LYRM7: variants seen among roughly 807,000 people sequenced by gnomAD.
LYRM7 encodes the protein LYR motif containing 7.
LYRM7 carries 9 observed loss-of-function variants against 15.8 expected under a neutral mutation model. The observed-to-expected ratio is 0.57, with a 90% CI of 0.34 to 0.99. LYRM7 has a LOEUF of 0.99. LYRM7 is among the 50% of genes least tolerant of loss of function. LYRM7 has a pLI of 0.02. For missense variants in LYRM7, 115 were observed against 119.1 expected, an observed-to-expected ratio of 0.97 and a Z score of 0.16; for synonymous variants, 39 against 39.4, an observed-to-expected ratio of 0.99 and a Z score of 0.04.
At chr5:131,182,405 T>TAA in intron 3 of LYRM7, 106 bp downstream of exon 3, 1 of 1,061,920 alleles carries the variant, frequency 9.4e-7, no homozygotes, top group South Asian at 1.8e-5. Flanking sequence ...TACTTGATAG[T>TAA]TAAGGCCATC....
chr5:131,181,707 C>A (rs1755716693), intron 2 of LYRM7, among the ~76,000 whole-genome samples: 1 of 151,544 alleles, frequency 6.6e-6, no homozygotes, highest in Non-Finnish European at 1.5e-5. Context: ...ATAATGATAT[C>A]AAATTCTCAG....
intron 3 of LYRM7, among the ~76,000 whole-genome samples, chr5:131,183,966 G>A (rs917103367): frequency 6.6e-6 from 1 of 151,750 alleles, no homozygotes; most frequent in Admixed American, 6.6e-5. Context: ...TTTTGTTTTT[G>A]TTTTGTTTTT....
intron 2 of LYRM7, among the ~76,000 whole-genome samples, chr5:131,180,600 A>C (rs950323641): frequency 6.6e-6 from 1 of 152,206 alleles, no homozygotes; most frequent in Non-Finnish European, 1.5e-5. Context: ...AGTAGTTTCT[A>C]TCTTATCTGG....
chr5:131,194,440 A>G (rs539126663), intron 4 of LYRM7, among the ~76,000 whole-genome samples: 3 of 152,336 alleles, frequency 2.0e-5, no homozygotes, highest in Non-Finnish European at 4.4e-5. Context: ...TTGTTTCAAG[A>G]CTTCCAATCT....
intron 1 of LYRM7, among the ~76,000 whole-genome samples, chr5:131,179,664 A>G (rs7721571): frequency 0.075 from 11,384 of 151,842 alleles, 1,171 homozygotes; most frequent in African/African-American, 0.24. Context: ...GGCCGGGTGC[A>G]GTGGCTCACT....
chr5:131,181,316 T>TATATATATATATATATACACACAC (rs1208669077), intron 2 of LYRM7, among the ~76,000 whole-genome samples: 1 of 27,648 alleles, frequency 3.6e-5, no homozygotes, highest in African/African-American at 1.0e-4. Flanking sequence ...TATATATATA[T>TATATATATATATATATACACACAC]ACACACACAC....
At chr5:131,178,378 CACG>C (rs1755632862) in intron 1 of LYRM7, among the ~76,000 whole-genome samples, 1 of 152,058 alleles carries the variant, frequency 6.6e-6, no homozygotes, top group Non-Finnish European at 1.5e-5. Context: ...CTAAAGTTTC[CACG>C]ACAAGAGTAA....
rs1297283269 is a variant in LYRM7 at position 131,200,836 on chromosome 5, T to C, written c.*1235T>C. The C allele has an allele frequency of 6.6e-6, 1 of 152,098 alleles. No homozygotes were observed. The highest frequency in any genetic ancestry group is 1.5e-5 in the Non-Finnish European group (1 of 68,020). 9.4% of individuals were successfully genotyped at this position (152,098 alleles called of 1,614,324 possible). On this transcript the variant is annotated 3_prime_UTR_variant, in exon 5 of 5. Transcript: ENST00000379380. ...TGACGTTATTTAAATTTAATATATA[T>C]TCTATATTTTAGTGTTATTGAATAT...
chr5:131,174,416 T>C (rs1024712776), intron 1 of LYRM7, among the ~76,000 whole-genome samples: 1 of 152,260 alleles, frequency 6.6e-6, no homozygotes, highest in African/African-American at 2.4e-5. Context: ...ATGCCTGTTA[T>C]TGTTGCTATT....
At chr5:131,181,438 A>ATG (rs1369048989) in intron 2 of LYRM7, among the ~76,000 whole-genome samples, 25 of 121,422 alleles carry the variant, frequency 2.1e-4, no homozygotes, top group Non-Finnish European at 3.8e-4. Flanking sequence ...TAACATATAT[A>ATG]TGTATATATA....
intron 4 of LYRM7, among the ~76,000 whole-genome samples, chr5:131,197,941 AAG>A (rs1457370131): frequency 2.6e-5 from 4 of 152,016 alleles, no homozygotes; most frequent in Non-Finnish European, 5.9e-5. Context: ...TTTACAAAAA[AAG>A]TGCAAAAGTT....
Position 131,180,153 on chromosome 5 carries a change from C to T in LYRM7, c.77C>T (p.Ala26Val). 1 of 1,609,530 alleles carries T rather than the reference C, an allele frequency of 6.2e-7. No homozygotes were observed. The highest frequency in any genetic ancestry group is 1.7e-4 in the Middle Eastern group (1 of 6,054). ...RTRQQVFKND[A>V]RALEAARIKI... Reference sequence around the variant, plus strand: ...AGACAACAAGTTTTTAAAAATGATGCCAGAGCATTAGAAGGTAAGTATGTT... The same window carrying T: ...AGACAACAAGTTTTTAAAAATGATGTCAGAGCATTAGAAGGTAAGTATGTT... Residue 26 changes from alanine to valine, a missense_variant, in exon 2 of 5, where the codon GCC becomes GTC. Transcript: ENST00000379380.
chr5:131,178,875 T>C (rs1755639575), intron 1 of LYRM7, among the ~76,000 whole-genome samples: 1 of 147,396 alleles, frequency 6.8e-6, no homozygotes, highest in South Asian at 2.1e-4. Flanking sequence ...GGCAGGAGAA[T>C]CGCTTGAACT....
intron 2 of LYRM7, among the ~76,000 whole-genome samples, chr5:131,181,455 ACAT>A: frequency 7.9e-6 from 1 of 127,202 alleles, no homozygotes; most frequent in Non-Finnish European, 1.6e-5. Context: ...TATATATAAA[ACAT>A]ATATATGTAT....
At position 131,199,677 on chromosome 5, in the gene LYRM7, A is replaced by G; in HGVS notation, c.*76A>G. Reference sequence around the variant, plus strand: ...ACTCTGGCAAAAGTCCTGGAAATGCAGACATTTTCCCTGAACTGGCATATT... The same window carrying G: ...ACTCTGGCAAAAGTCCTGGAAATGCGGACATTTTCCCTGAACTGGCATATT... On this transcript the variant is annotated 3_prime_UTR_variant, in exon 5 of 5. Transcript: ENST00000379380. The G allele has an allele frequency of 3.0e-6, 3 of 1,003,926 alleles. No homozygotes were observed. The highest frequency in any genetic ancestry group is 1.7e-5 in the South Asian group (1 of 58,290). The allele number at this position is 1,003,926 out of a possible 1,614,324, so 62.2% of individuals were successfully genotyped here. A position where few individuals can be genotyped will look rare whatever the true frequency, so the allele number is the denominator to read the frequency against.
chr5:131,170,985 A>G lies in LYRM7; in HGVS notation c.-36A>G. On this transcript the variant is annotated 5_prime_UTR_variant, in exon 1 of 5. Coordinates refer to ENST00000379380, the MANE Select transcript of LYRM7 (RefSeq NM_181705.4). ...GGTTGCTGAGAGGCGGGGCTACTCG[A>G]CTGCTCTGGAGGTAGCGGCCGCGGT... is the stretch of plus-strand genomic sequence containing the variant. The G allele has an allele frequency of 2.0e-6, 3 of 1,537,238 alleles. No homozygotes were observed. The highest frequency in any genetic ancestry group is 2.6e-6 in the Non-Finnish European group (3 of 1,146,426).
At position 131,193,924 on chromosome 5, in the gene LYRM7, G is replaced by C. The variant is rs143237339; in HGVS notation, c.245-5607G>C. On this transcript the variant is annotated intron_variant, in intron 4 of 4. Transcript: ENST00000379380. ...CTCAGGAGGCTGAGGCAGGAGAATC[G>C]CTTGAACCCGGGAGGCGGAGGTTGC... Among the ~76,000 whole-genome samples the C allele has an allele frequency of 3.6e-3, 541 of 152,150 alleles. 27 individuals carry two copies. In the East Asian group the frequency reaches 0.094, roughly 26 times the overall value.
chr5:131,181,467 AT>A (rs1231017113), intron 2 of LYRM7, among the ~76,000 whole-genome samples: 4 of 129,144 alleles, frequency 3.1e-5, no homozygotes, highest in Non-Finnish European at 6.4e-5. Flanking sequence ...ATATATATGT[AT>A]ATATATATAA....
At chr5:131,197,708 A>G (rs1755989631) in intron 4 of LYRM7, among the ~76,000 whole-genome samples, 1 of 151,394 alleles carries the variant, frequency 6.6e-6, no homozygotes, top group Non-Finnish European at 1.5e-5. Flanking sequence ...TGCCTAGCTA[A>G]TTTTTAAACA....
Sources: gnomAD v4.1 joint callset for allele counts (sites outside exome capture counted in the v4.1 genomes callset) on GRCh38, gnomAD v4.1.1 for gene constraint, MANE v1.5 for transcripts, NCBI Gene and HGNC (gene_info 2026-07-23, HGNC 2026-07-21) for gene names.